MGAT4C: variants seen among roughly 807,000 people sequenced by gnomAD.
The protein encoded by MGAT4C is alpha-1,3-mannosyl-glycoprotein 4-beta-N-acetylglucosaminyltransferase C.
A neutral mutation model predicts 40.1 loss-of-function variants in MGAT4C; 19 were observed. The ratio of observed to expected loss-of-function variants is 0.47; its 90% CI spans 0.33 to 0.70. The LOEUF is 0.70. MGAT4C is among the 30% of genes least tolerant of loss of function. The probability of loss-of-function intolerance (pLI) is 0.02; values close to 1 mark genes in which losing one functional copy is unlikely to be tolerated. For missense variants in MGAT4C, 491 were observed against 563.2 expected (o/e 0.87, Z 1.30); for synonymous variants, 181 against 187.1 (o/e 0.97, Z 0.27).
chr12:86,675,851 A>G (rs182670684), intron 2 of MGAT4C, among the ~76,000 whole-genome samples: 2 of 152,266 alleles, frequency 1.3e-5, no homozygotes, highest in African/African-American at 2.4e-5. Context: ...ATTTGCATCT[A>G]GCTAATGTGA....
At chr12:86,080,649 A>C (rs1870664066) in intron 1 of MGAT4C, among the ~76,000 whole-genome samples, 3 of 152,170 alleles carry the variant, frequency 2.0e-5, no homozygotes, top group Admixed American at 6.5e-5. Context: ...TGGTATCAAG[A>C]CATTGCAACC....
chr12:86,137,171 A>G (rs1460811630), intron 1 of MGAT4C, among the ~76,000 whole-genome samples: 4 of 152,102 alleles, frequency 2.6e-5, no homozygotes, highest in Admixed American at 2.6e-4. Context: ...CATCCCATTC[A>G]TATTCCTTTC....
At chr12:86,217,650 G>C (rs915134510) in intron 1 of MGAT4C, among the ~76,000 whole-genome samples, 24 of 151,942 alleles carry the variant, frequency 1.6e-4, no homozygotes, top group Non-Finnish European at 3.1e-4. Flanking sequence ...GGTTACTAGA[G>C]TTAAGAATTT....
intron 1 of MGAT4C, among the ~76,000 whole-genome samples, chr12:86,079,533 C>T (rs1870426323): frequency 6.6e-6 from 1 of 152,008 alleles, no homozygotes; most frequent in African/African-American, 2.4e-5. Flanking sequence ...AGCCATTGGT[C>T]ATCATTAAGT....
intron 2 of MGAT4C, among the ~76,000 whole-genome samples, chr12:86,450,946 C>T (rs1957416965): frequency 6.6e-6 from 1 of 152,010 alleles, no homozygotes; most frequent in Non-Finnish European, 1.5e-5. Context: ...CTTTCTTCTA[C>T]ATTAAGTGTT....
At chr12:86,668,487 T>TAA (rs1478890233) in intron 2 of MGAT4C, among the ~76,000 whole-genome samples, 1 of 152,156 alleles carries the variant, frequency 6.6e-6, no homozygotes, top group African/African-American at 2.4e-5. Flanking sequence ...ATGGAGACAT[T>TAA]ATAAGGCAAA....
chr12:86,295,140 T>C (rs536427334), intron 4 of MGAT4C, among the ~76,000 whole-genome samples: 1 of 152,310 alleles, frequency 6.6e-6, no homozygotes, highest in South Asian at 2.1e-4. Flanking sequence ...TTAATCTCAA[T>C]ATATTTTAGT....
chr12:85,987,714 G>C (rs891974358), intron 3 of MGAT4C, among the ~76,000 whole-genome samples: 21 of 152,118 alleles, frequency 1.4e-4, no homozygotes, highest in Non-Finnish European at 2.5e-4. Flanking sequence ...AATTTAAACA[G>C]GTTCTATTTC....
chr12:86,814,714 A>G (rs929225982), intron 1 of MGAT4C, among the ~76,000 whole-genome samples: 3 of 151,990 alleles, frequency 2.0e-5, no homozygotes, highest in African/African-American at 7.2e-5. Flanking sequence ...GTGATTAAGT[A>G]ATGAGGAAGA....
chr12:86,724,092 A>G (rs1214092444), intron 2 of MGAT4C, among the ~76,000 whole-genome samples: 4 of 152,318 alleles, frequency 2.6e-5, no homozygotes, highest in Admixed American at 2.6e-4. Context: ...TCAAACCTGT[A>G]TAAAAAAACA....
At chr12:86,349,661 G>A (rs17289052) in intron 3 of MGAT4C, among the ~76,000 whole-genome samples, 1 of 151,948 alleles carries the variant, frequency 6.6e-6, no homozygotes, top group Non-Finnish European at 1.5e-5. Flanking sequence ...TGAAAATTAC[G>A]AGCTACAAAA....
intron 1 of MGAT4C, among the ~76,000 whole-genome samples, chr12:86,140,373 C>T (rs1882659746): frequency 6.6e-6 from 1 of 152,098 alleles, no homozygotes. Flanking sequence ...TGGAAACCAT[C>T]ATTCTCAGCA....
intron 2 of MGAT4C, among the ~76,000 whole-genome samples, chr12:86,714,391 G>T (rs1435178837): frequency 6.6e-6 from 1 of 151,966 alleles, no homozygotes; most frequent in Admixed American, 6.6e-5. Context: ...ATATTGTTTG[G>T]CTGTGTCCCC....
Position 86,497,895 on chromosome 12 carries a change from T to TATAC in MGAT4C, c.-228-62631_-228-62630insGTAT, listed in dbSNP as rs1263697748. Among the ~76,000 whole-genome samples, 24 of 114,042 alleles carry TATAC rather than the reference T, an allele frequency of 2.1e-4. 1 individual carries two copies. The South Asian group carries it at 4.4e-3, about 21-fold the overall frequency. 74.8% of individuals were successfully genotyped at this position (114,042 alleles called of 152,430 possible). ...CTAATTTTCTCATGAAATTCCTAAA[T>TATAC]ATATATATATATATATATATACGCA... On this transcript the variant is annotated intron_variant, in intron 2 of 7. Transcript: ENST00000548651.
intron 2 of MGAT4C, among the ~76,000 whole-genome samples, chr12:86,666,976 A>G (rs1358676678): frequency 6.6e-6 from 1 of 152,182 alleles, no homozygotes; most frequent in Non-Finnish European, 1.5e-5. Context: ...TTGGTTACTT[A>G]GTTGGAAGGG....
upstream of MGAT4C, among the ~76,000 whole-genome samples, chr12:86,258,575 A>AT (rs141612124): frequency 0.079 from 12,054 of 152,078 alleles, 684 homozygotes; most frequent in Middle Eastern, 0.21. Flanking sequence ...ACGTATAGGC[A>AT]TTTTGTATCA....
At chr12:85,985,792 G>C (rs1885133660) in intron 3 of MGAT4C, among the ~76,000 whole-genome samples, 1 of 152,048 alleles carries the variant, frequency 6.6e-6, no homozygotes, top group East Asian at 1.9e-4. Context: ...ATTTAGAACT[G>C]CCAAAATGTA....
chr12:86,229,177 T>C (rs1256020502), intron 1 of MGAT4C, among the ~76,000 whole-genome samples: 1 of 151,848 alleles, frequency 6.6e-6, no homozygotes, highest in African/African-American at 2.4e-5. Flanking sequence ...CTATAGCTGT[T>C]CTCTCTCAAT....
chr12:86,401,841 A>T (rs1956369748), intron 3 of MGAT4C, among the ~76,000 whole-genome samples: 1 of 152,196 alleles, frequency 6.6e-6, no homozygotes, highest in Non-Finnish European at 1.5e-5. Context: ...CATGAAAAAT[A>T]GTTAACAGTC....
Sources: gnomAD v4.1 joint callset for allele counts (sites outside exome capture counted in the v4.1 genomes callset) on GRCh38, gnomAD v4.1.1 for gene constraint, MANE v1.5 for transcripts, NCBI Gene and HGNC (gene_info 2026-07-23, HGNC 2026-07-21) for gene names.